Variants in LUZP2 observed in about 807,000 individuals in gnomAD.
LUZP2 encodes leucine zipper protein 2.
In LUZP2, 52 loss-of-function variants were observed where a neutral mutation model predicts 51.6. The ratio of observed to expected loss-of-function variants is 1.01; its 90% CI spans 0.81 to 1.27. LUZP2 has a LOEUF of 1.27. LUZP2 is among the 50% of genes most tolerant of loss of function. LUZP2 has a pLI of 0.00. For synonymous variants in LUZP2, 154 were observed against 137.3 expected (o/e 1.12, Z -0.85); for missense variants, 436 against 395.4 (o/e 1.10, Z -0.87).
chr11:24,781,723 T>A (rs530241757), intron 5 of LUZP2, among the ~76,000 whole-genome samples: 3 of 152,238 alleles, frequency 2.0e-5, no homozygotes, highest in South Asian at 2.1e-4. Flanking sequence ...AAGTTTTTTT[T>A]AATATACATT....
At chr11:24,659,178 C>T (rs1411571082) in intron 1 of LUZP2, among the ~76,000 whole-genome samples, 2 of 152,152 alleles carry the variant, frequency 1.3e-5, no homozygotes, top group African/African-American at 2.4e-5. Context: ...ACCCAAATGT[C>T]CATCAATGAT....
At chr11:24,833,147 G>T (rs1443959716) in intron 5 of LUZP2, among the ~76,000 whole-genome samples, 1 of 152,112 alleles carries the variant, frequency 6.6e-6, no homozygotes, top group African/African-American at 2.4e-5. Context: ...CAATGGCATA[G>T]AATACTCTGA....
chr11:25,048,890 G>T (rs1007351164), intron 9 of LUZP2, among the ~76,000 whole-genome samples: 1 of 151,092 alleles, frequency 6.6e-6, no homozygotes, highest in Non-Finnish European at 1.5e-5. Flanking sequence ...ACTTTATATA[G>T]GATCAGTTTT....
intron 1 of LUZP2, among the ~76,000 whole-genome samples, chr11:24,657,969 G>T (rs1363315420): frequency 6.6e-6 from 1 of 152,154 alleles, no homozygotes; most frequent in East Asian, 1.9e-4. Context: ...TGGGTAGGAA[G>T]AATCAATATC....
intron 9 of LUZP2, among the ~76,000 whole-genome samples, chr11:25,012,605 G>A (rs572366410): frequency 6.6e-6 from 1 of 151,944 alleles, no homozygotes; most frequent in African/African-American, 2.4e-5. Context: ...TATTTCCACT[G>A]CATTATGAAA....
chr11:24,675,732 A>G (rs1411244889), intron 1 of LUZP2, among the ~76,000 whole-genome samples: 2 of 151,822 alleles, frequency 1.3e-5, no homozygotes, highest in Non-Finnish European at 2.9e-5. Context: ...CCTTATTATT[A>G]CTATTAATAT....
At chr11:24,751,626 T>C (rs1590450772) in intron 4 of LUZP2, 1 of 975,500 alleles carries the variant, frequency 1.0e-6, no homozygotes, top group Non-Finnish European at 1.2e-6. Flanking sequence ...TTTTCTATCC[T>C]GGGTTTTTCA....
At chr11:24,545,445 C>A (rs539153718) in intron 1 of LUZP2, among the ~76,000 whole-genome samples, 1 of 150,964 alleles carries the variant, frequency 6.6e-6, no homozygotes, top group Admixed American at 6.6e-5. Flanking sequence ...TGAGTTGATT[C>A]TTGTATACTA....
Position 24,922,058 on chromosome 11 carries a change from T to A in LUZP2, c.522+7520T>A, listed in dbSNP as rs543606334. ...CTATCGCCATGGATATTAATTATTT[T>A]TTTTTTAAGTAGAGCTGACCTGTTG... On this transcript the variant is annotated intron_variant, in intron 7 of 11. Coordinates refer to ENST00000336930, the MANE Select transcript of LUZP2 (RefSeq NM_001009909.4). 9.2e-5 allele frequency among the ~76,000 whole-genome samples: 14 copies of A among 152,298 alleles called. No individual in the cohort carries two copies. In the South Asian group the frequency reaches 1.2e-3, roughly 14 times the overall value.
intron 5 of LUZP2, among the ~76,000 whole-genome samples, chr11:24,819,121 G>A (rs1850279917): frequency 6.6e-6 from 1 of 152,008 alleles, no homozygotes; most frequent in South Asian, 2.1e-4. Context: ...GAAAACGTTT[G>A]TTTGTTACTG....
chr11:25,027,502 G>T (rs903900371), intron 9 of LUZP2, among the ~76,000 whole-genome samples: 1 of 151,964 alleles, frequency 6.6e-6, no homozygotes, highest in African/African-American at 2.4e-5. Context: ...AATTTTAACT[G>T]AATCATCTGG....
Position 24,715,279 on chromosome 11 carries a change from G to A in LUZP2, c.63-13890G>A, listed in dbSNP as rs1037047627. Among the ~76,000 whole-genome samples, 567 of 129,908 alleles carry A rather than the reference G, an allele frequency of 4.4e-3. 9 individuals carry two copies. Among genetic ancestry groups the A allele is most frequent in the African/African-American group, 0.014 (542 of 37,666 alleles). The allele number at this position is 129,908 out of a possible 152,430, so 85.2% of individuals were successfully genotyped here. On this transcript the variant is annotated intron_variant, in intron 1 of 11. Transcript: ENST00000336930. ...GGAGCAACTATGTGTGTGTGTGTGT[G>A]TGTGTGTGTGTGTGTGTGTGTGTGT... is the stretch of plus-strand genomic sequence containing the variant.
chr11:24,925,799 T>G (rs1854209298), intron 7 of LUZP2, among the ~76,000 whole-genome samples: 1 of 152,008 alleles, frequency 6.6e-6, no homozygotes, highest in Non-Finnish European at 1.5e-5. Context: ...TTACATGAAT[T>G]AGTTTGTTAG....
intron 5 of LUZP2, among the ~76,000 whole-genome samples, chr11:24,888,092 A>G (rs1336176440): frequency 6.6e-6 from 1 of 152,230 alleles, no homozygotes; most frequent in Non-Finnish European, 1.5e-5. Context: ...AAATGGTCCC[A>G]GATCATTACT....
chr11:24,729,132 AT>A, intron 1 of LUZP2, 36 bp from the exon 2 acceptor site: 1 of 1,162,500 alleles, frequency 8.6e-7, no homozygotes, highest in South Asian at 2.0e-5. Context: ...AAGTGGAACC[AT>A]TTGGGGGGCT....
chr11:24,583,146 T>C (rs567730598), intron 1 of LUZP2, among the ~76,000 whole-genome samples: 1 of 152,314 alleles, frequency 6.6e-6, no homozygotes, highest in East Asian at 1.9e-4. Flanking sequence ...TTCTAACACG[T>C]ATGTATGTAC....
intron 1 of LUZP2, among the ~76,000 whole-genome samples, chr11:24,678,850 A>G (rs914479995): frequency 6.6e-6 from 1 of 152,236 alleles, no homozygotes; most frequent in Admixed American, 6.5e-5. Flanking sequence ...TCATATAATC[A>G]TTGAGAAGCA....
intron 1 of LUZP2, among the ~76,000 whole-genome samples, chr11:24,503,586 G>C (rs1850065405): frequency 6.6e-6 from 1 of 152,144 alleles, no homozygotes; most frequent in African/African-American, 2.4e-5. Flanking sequence ...ATCTCTTTAA[G>C]TGTACTTTAA....
intron 1 of LUZP2, among the ~76,000 whole-genome samples, chr11:24,596,118 C>T (rs909494021): frequency 1.3e-4 from 20 of 152,074 alleles, no homozygotes; most frequent in Admixed American, 2.6e-4. Flanking sequence ...CCCTTTTATC[C>T]GTTGCAGCTT....
Sources: gnomAD v4.1 joint callset for allele counts (sites outside exome capture counted in the v4.1 genomes callset) on GRCh38, gnomAD v4.1.1 for gene constraint, MANE v1.5 for transcripts, NCBI Gene and HGNC (gene_info 2026-07-23, HGNC 2026-07-21) for gene names.